Variants in PPFIA3 observed in about 807,000 individuals in gnomAD.
PPFIA3 encodes the protein liprin-alpha-3.
In PPFIA3, 26 loss-of-function variants were observed where a neutral mutation model predicts 145.8. The ratio of observed to expected loss-of-function variants is 0.18; its 90% CI spans 0.13 to 0.25. The LOEUF (loss-of-function observed/expected upper bound fraction) is 0.25. Ranked by LOEUF, PPFIA3 falls within the 10% of genes least tolerant of loss-of-function variation. PPFIA3 has a pLI of 1.00. For missense variants in PPFIA3, 1,008 were observed against 1,587.8 expected (o/e 0.63, Z 6.21); for synonymous variants, 645 against 661.4 (o/e 0.98, Z 0.38).
intron 7 of PPFIA3, among the ~76,000 whole-genome samples, chr19:49,132,366 G>A (rs1049002449): frequency 7.3e-5 from 10 of 136,114 alleles, no homozygotes; most frequent in Non-Finnish European, 7.6e-5. Flanking sequence ...TCTAGCCTGG[G>A]TGACGGAGCA....
intron 25 of PPFIA3, 63 bp from the exon 26 acceptor site, chr19:49,148,930 T>C (rs1779940046): frequency 2.4e-5 from 39 of 1,592,540 alleles, no homozygotes; most frequent in Non-Finnish European, 3.3e-5. Context: ...GGTGGAGGTA[T>C]GGGCTAAACT....
intron 20 of PPFIA3, 89 bp from the exon 21 acceptor site, chr19:49,142,715 C>T: frequency 2.0e-6 from 2 of 1,019,596 alleles, no homozygotes; most frequent in East Asian, 2.7e-5. Context: ...CACCCCCTTG[C>T]CTTTCCCCAC....
In PPFIA3 at chr19:49,127,843, C is replaced by G. The variant is rs142900711; in HGVS notation, c.-15-16C>G. ...TTGACAAGGCCGGTCTGTTCCTTGC[C>G]CTCCCCGCCCCGCAGGCCCGCACCG... On this transcript the variant is annotated splice_polypyrimidine_tract_variant and intron_variant, in intron 1 of 29. Coordinates refer to ENST00000334186, the MANE Select transcript of PPFIA3 (RefSeq NM_003660.4). 0.011 allele frequency: 17,931 copies of G among 1,587,880 alleles called. 113 individuals are homozygous for G. The highest frequency in any genetic ancestry group is 0.013 in the Non-Finnish European group (15,589 of 1,176,790).
At chr19:49,125,786 G>A (rs930324859) in intron 1 of PPFIA3, among the ~76,000 whole-genome samples, 1 of 152,108 alleles carries the variant, frequency 6.6e-6, no homozygotes. Flanking sequence ...GGCTGGAGGC[G>A]CAGGCTCCTG....
intron 7 of PPFIA3, among the ~76,000 whole-genome samples, chr19:49,132,145 T>C (rs1288366430): frequency 6.6e-6 from 1 of 151,080 alleles, no homozygotes; most frequent in South Asian, 2.1e-4. Context: ...CCCAGCACTT[T>C]GGGAGACCAA....
chr19:49,148,556 A>G, intron 24 of PPFIA3, 110 bp from the exon 25 acceptor site: 1 of 898,084 alleles, frequency 1.1e-6, no homozygotes, highest in Admixed American at 2.2e-5. Flanking sequence ...AGAACTTATC[A>G]GCTCCCCACC....
In PPFIA3 at chr19:49,128,188, C is replaced by T; in HGVS notation, c.240+75C>T. On this transcript the variant is annotated intron_variant, in intron 2 of 29. Coordinates refer to ENST00000334186, the MANE Select transcript of PPFIA3 (RefSeq NM_003660.4). The surrounding 1 kb of genome is among the most constrained non-coding windows in gnomAD (Gnocchi z 4.1). ...AGAAGGCGGTCCGGAAGGGGCCGGGCTTGGCGCCTGGAAGGGAGGAGTCTG... is the reference window on the plus strand; with the variant it reads ...AGAAGGCGGTCCGGAAGGGGCCGGGTTTGGCGCCTGGAAGGGAGGAGTCTG... The T allele has an allele frequency of 6.8e-7, 1 of 1,469,168 alleles. No individual in the cohort carries two copies. The highest frequency in any genetic ancestry group is 9.0e-7 in the Non-Finnish European group (1 of 1,107,362). 91.0% of individuals were successfully genotyped at this position (1,469,168 alleles called of 1,614,324 possible).
rs1435748861 is a variant in PPFIA3, at chr19:49,133,227, C to A, written c.1027-10C>A. On this transcript the variant is annotated splice_polypyrimidine_tract_variant and intron_variant, in intron 8 of 29. Transcript: ENST00000334186. The surrounding 1 kb of genome is among the most constrained non-coding windows in gnomAD (Gnocchi z 7.2). ...AGCCCGTCCCCTCCCCCTGCCTCTC[C>A]CTCCCCCAGAGTGAAGAGAAGAGCC... is the stretch of plus-strand genomic sequence containing the variant. 14 of 1,597,566 alleles carry A rather than the reference C, an allele frequency of 8.8e-6. No individual in the cohort carries two copies. Among genetic ancestry groups the A allele is most frequent in the Non-Finnish European group, 1.1e-5 (13 of 1,170,696 alleles).
chr19:49,128,255 G>T lies in PPFIA3; in HGVS notation c.241-112G>T. On this transcript the variant is annotated intron_variant, in intron 2 of 29. Coordinates refer to ENST00000334186, the MANE Select transcript of PPFIA3 (RefSeq NM_003660.4). The surrounding 1 kb of genome is among the most constrained non-coding windows in gnomAD (Gnocchi z 4.1). ...AATGGGCGGGGCCTGAGTGGCAAGG[G>T]ACAGCGGGACTTAGCAGGGAGGGCG... The T allele has an allele frequency of 1.3e-6, 2 of 1,496,416 alleles. No homozygotes were observed. Among genetic ancestry groups the T allele is most frequent in the South Asian group, 2.4e-5 (2 of 84,180 alleles). 92.7% of individuals were successfully genotyped at this position (1,496,416 alleles called of 1,614,324 possible).
intron 11 of PPFIA3, among the ~76,000 whole-genome samples, chr19:49,134,428 C>G (rs1230654224): frequency 6.6e-6 from 1 of 152,190 alleles, no homozygotes; most frequent in Non-Finnish European, 1.5e-5. Context: ...TCTCCAAACC[C>G]TGAACCCTCT....
Position 49,141,583 on chromosome 19 carries a change from CGTGTAT to C in PPFIA3, c.2462+75_2462+80del, listed in dbSNP as rs774117228. 7.6e-4 allele frequency: 921 copies of C among 1,218,732 alleles called. 1 individual carries two copies. The highest frequency in any genetic ancestry group is 9.3e-4 in the Non-Finnish European group (787 of 842,920). 75.5% of individuals were successfully genotyped at this position (1,218,732 alleles called of 1,614,324 possible). A position where few individuals can be genotyped will look rare whatever the true frequency, so the allele number is the denominator to read the frequency against. ...GAGAGTGTGTGAGGGTGTGTGTGTG[CGTGTAT>C]GTGTGTGTATGAGTGTGTGTGTGTG... On this transcript the variant is annotated intron_variant, in intron 19 of 29. Transcript: ENST00000334186.
chr19:49,126,445 G>A (rs2041000387), intron 1 of PPFIA3, among the ~76,000 whole-genome samples: 3 of 151,550 alleles, frequency 2.0e-5, no homozygotes, highest in Admixed American at 2.0e-4. Context: ...AGAGACGGGG[G>A]TCACCATGTT....
intron 21 of PPFIA3, among the ~76,000 whole-genome samples, chr19:49,143,992 ATTTTATT>A (rs1229649006): frequency 6.6e-6 from 1 of 150,592 alleles, no homozygotes; most frequent in Non-Finnish European, 1.5e-5. Context: ...TTTATACAAT[ATTTTATT>A]TTTTATTTTT....
Position 49,141,499 on chromosome 19 carries a change from A to G in PPFIA3, c.2448A>G (p.Arg816=). The change falls in exon 19 of 30, where the codon CGA becomes CGG. Residue 816 remains arginine (R), a synonymous_variant. Coordinates refer to ENST00000334186, the MANE Select transcript of PPFIA3 (RefSeq NM_003660.4). ...AKLTGPGDKD[R]RNKRKHELLE... is the part of the protein sequence containing the mutation. The stretch of plus-strand genomic sequence containing the variant: ...TGACAGGCCCAGGAGACAAGGACCG[A>G]AGGAACAAGAGGAAGTGAGTGTGTG... 3.1e-6 allele frequency: 5 copies of G among 1,613,804 alleles called. No individual in the cohort carries two copies. Among genetic ancestry groups the G allele is most frequent in the Non-Finnish European group, 4.2e-6 (5 of 1,179,804 alleles).
chr19:49,138,049 G>A (rs554789450), intron 15 of PPFIA3, among the ~76,000 whole-genome samples, 156 bp from the exon 16 acceptor site: 1 of 152,236 alleles, frequency 6.6e-6, no homozygotes, highest in East Asian at 1.9e-4. Context: ...GAGCCTGGAA[G>A]GCCTTCAGAA....
At chr19:49,122,711 G>GTT (rs1568432311) in intron 1 of PPFIA3, among the ~76,000 whole-genome samples, 1 of 116,956 alleles carries the variant, frequency 8.6e-6, no homozygotes. Context: ...TTGTTGTTTA[G>GTT]TTGTTTTTTT....
In PPFIA3 at chr19:49,149,141, C is replaced by G. The variant is rs752806344; in HGVS notation, c.3258C>G (p.Leu1086=). ...TCGACTACTCCGACCTGGCCTTGCT[C>G]CTGCAGATCCCCACGCAGAATGCAC... The part of the protein sequence containing the change: ...ETFDYSDLAL[L]LQIPTQNAQA... Residue 1086 remains leucine (L), a synonymous_variant, in exon 26 of 30, where the codon CTC becomes CTG. Coordinates refer to ENST00000334186, the MANE Select transcript of PPFIA3 (RefSeq NM_003660.4). The surrounding 1 kb of genome is among the most constrained non-coding windows in gnomAD (Gnocchi z 5.7). 1.2e-6 allele frequency: 2 copies of G among 1,614,098 alleles called. No homozygotes were observed.
chr19:49,147,648 C>T (rs996814585), intron 23 of PPFIA3, among the ~76,000 whole-genome samples: 6 of 151,014 alleles, frequency 4.0e-5, no homozygotes, highest in Non-Finnish European at 7.4e-5. Context: ...ATCGTGCCAC[C>T]GCGCTCCAGC....
Position 49,133,388 on chromosome 19 carries a change from G to T in PPFIA3, c.1161+17G>T, listed in dbSNP as rs757975916. The stretch of plus-strand genomic sequence containing the variant: ...CTCAACAAGGTGCGGGGAGGACTCG[G>T]GTCGGGGCCTTGCGTGGGGAAGGGG... On this transcript the variant is annotated intron_variant, in intron 9 of 29. Transcript: ENST00000334186. The surrounding 1 kb of genome is among the most constrained non-coding windows in gnomAD (Gnocchi z 7.2). 1 of 1,584,322 alleles carries T rather than the reference G, an allele frequency of 6.3e-7. No homozygotes were observed. The highest frequency in any genetic ancestry group is 1.1e-5 in the South Asian group (1 of 88,788).
Sources: allele counts gnomAD v4.1 joint callset (sites outside exome capture counted in the v4.1 genomes callset), GRCh38; gene constraint gnomAD v4.1.1; non-coding constraint Gnocchi (gnomAD v3.1); transcripts MANE v1.5; gene names NCBI Gene and HGNC (gene_info 2026-07-23, HGNC 2026-07-21).